The following TTC13 variants were observed in gnomAD, a reference collection of about 807,000 sequenced individuals.
TTC13 encodes tetratricopeptide repeat domain 13, also known as tetratricopeptide repeat protein 13.
A neutral mutation model predicts 120.0 loss-of-function variants in TTC13; 62 were observed. The observed-to-expected ratio is 0.52, with a 90% CI of 0.42 to 0.64. The LOEUF is 0.64. Ranked by LOEUF, TTC13 falls within the 30% of genes least tolerant of loss-of-function variation. The probability of loss-of-function intolerance (pLI) is 0.00; values close to 1 mark genes in which losing one functional copy is unlikely to be tolerated. For synonymous variants in TTC13, 384 were observed against 393.5 expected (o/e 0.98, Z 0.28); for missense variants, 824 against 1,050.2 (o/e 0.78, Z 2.98).
At chr1:230,931,606 A>G in intron 10 of TTC13, 130 bp downstream of exon 10, 1 of 1,459,864 alleles carries the variant, frequency 6.8e-7, no homozygotes, top group Non-Finnish European at 9.3e-7. Flanking sequence ...AAGAGCAATG[A>G]TTTCTTCTCT....
chr1:230,948,754 T>A lies in TTC13; in HGVS notation c.514-3300A>T, dbSNP rs191989411. 1.0e-3 allele frequency among the ~76,000 whole-genome samples: 158 copies of A among 152,278 alleles called. 1 individual carries two copies. Among genetic ancestry groups the A allele is most frequent in the African/African-American group, 3.5e-3 (147 of 41,564 alleles). On this transcript the variant is annotated intron_variant, in intron 4 of 22. Coordinates refer to ENST00000366661, the MANE Select transcript of TTC13 (RefSeq NM_024525.5). ...ATCCTCCTGCTTCAACCTCCCAAAG[T>A]GCTGGGGTTACAGGCGTGAGCCACC... is the stretch of plus-strand genomic sequence containing the variant.
intron 17 of TTC13, 124 bp downstream of exon 17, chr1:230,920,386 T>C (rs1200744966): frequency 4.6e-6 from 3 of 656,236 alleles, no homozygotes; most frequent in South Asian, 3.9e-5. Context: ...TTGGTTATTA[T>C]TCAGAATGTG....
In TTC13 at chr1:230,929,604, G is replaced by A. The variant is rs996814624; in HGVS notation, c.1301-511C>T. 5.9e-5 allele frequency among the ~76,000 whole-genome samples: 9 copies of A among 152,044 alleles called. No individual in the cohort carries two copies. In the East Asian group the frequency reaches 9.6e-4, roughly 16 times the overall value. ...GCTGGGATTACAGGCATGAGCCACC[G>A]CGCCTGGCCTAGTTTGGCTAAATTT... On this transcript the variant is annotated intron_variant, in intron 11 of 22. Transcript: ENST00000366661.
At chr1:230,949,886 T>A (rs2102918106) in intron 4 of TTC13, among the ~76,000 whole-genome samples, 1 of 152,274 alleles carries the variant, frequency 6.6e-6, no homozygotes, top group East Asian at 1.9e-4. Flanking sequence ...CCTGACCTCG[T>A]GATCCGCCCG....
At position 230,940,565 on chromosome 1, in the gene TTC13, C is replaced by T. The variant is rs372348348; in HGVS notation, c.673-9G>A. 150 of 1,562,476 alleles carry T rather than the reference C, an allele frequency of 9.6e-5. No homozygotes were observed. Among genetic ancestry groups the T allele is most frequent in the Non-Finnish European group, 1.1e-4 (130 of 1,135,020 alleles). On this transcript the variant is annotated splice_polypyrimidine_tract_variant and intron_variant, in intron 6 of 22. Transcript: ENST00000366661. This position sits in a 1 kb window ranked among gnomAD's most constrained non-coding sequence, Gnocchi z 4.1. ...CCCAGAGGGGACAGAATCTAGAAAT[C>T]CCAAACATGTAATCAGGAAGAATAC...
intron 1 of TTC13, among the ~76,000 whole-genome samples, chr1:230,969,443 G>T (rs931955763): frequency 9.2e-5 from 14 of 152,094 alleles, no homozygotes; most frequent in African/African-American, 3.4e-4. Context: ...CATAAAGCTG[G>T]ATACAGTTAT....
At position 230,939,865 on chromosome 1, in the gene TTC13, G is replaced by A. The variant is rs74945364; in HGVS notation, c.790-369C>T. Among the ~76,000 whole-genome samples, 52 of 152,306 alleles carry A rather than the reference G, an allele frequency of 3.4e-4. No homozygotes were observed. The East Asian group carries it at 8.5e-3, about 25-fold the overall frequency. On this transcript the variant is annotated intron_variant, in intron 7 of 22. Transcript: ENST00000366661. ...ATGCCACAGATTAACATTAAAATGT[G>A]TTATGCTGAGACTCTTTTAATATAT...
At chr1:230,933,933 G>T in intron 8 of TTC13, 72 bp from the exon 9 acceptor site, 1 of 983,630 alleles carries the variant, frequency 1.0e-6, no homozygotes, top group Admixed American at 2.4e-5. Flanking sequence ...AATCATAAAA[G>T]GATTTAAATA....
Position 230,911,526 on chromosome 1 carries a change from T to G in TTC13, c.2253A>C (p.Leu751Phe), listed in dbSNP as rs1393589372. 6.2e-7 allele frequency: 1 copy of G among 1,603,942 alleles called. No homozygotes were observed. Among genetic ancestry groups the G allele is most frequent in the Non-Finnish European group, 8.5e-7 (1 of 1,175,934 alleles). ...AAAAGTAATAAACTAAGGATAAGATTAAGTTGCAGACAGCATCAGCCTCCT... is the reference window on the plus strand; with the variant it reads ...AAAAGTAATAAACTAAGGATAAGATGAAGTTGCAGACAGCATCAGCCTCCT... ...EFGEADAVCNLILSLVYYFYN... is the reference protein window; with the variant it reads ...EFGEADAVCNFILSLVYYFYN... The change falls in exon 20 of 23, where the codon TTA (leucine) becomes TTC (phenylalanine). Residue 751 changes from leucine to phenylalanine, a missense_variant. Physicochemically the swap from Leu to Phe is conservative, Grantham distance 22. This residue lies in a region of TTC13 where 226 missense variants were observed against 259.1 expected (regional missense o/e 0.87). Transcript: ENST00000366661.
At chr1:230,919,491 T>C (rs569217267) in intron 17 of TTC13, among the ~76,000 whole-genome samples, 115 of 152,314 alleles carry the variant, frequency 7.6e-4, no homozygotes, top group Non-Finnish European at 1.2e-3. Flanking sequence ...GCACTGAGGA[T>C]TCCATTTCCA....
intron 11 of TTC13, among the ~76,000 whole-genome samples, chr1:230,930,289 A>G (rs1190596437): frequency 6.6e-6 from 1 of 152,214 alleles, no homozygotes; most frequent in East Asian, 1.9e-4. Context: ...TATTTTGGGT[A>G]TACTGAATTT....
At chr1:230,935,666 G>GT (rs1337776631) in intron 8 of TTC13, among the ~76,000 whole-genome samples, 3 of 152,158 alleles carry the variant, frequency 2.0e-5, no homozygotes, top group Admixed American at 6.5e-5. Flanking sequence ...GGGCCAAGCA[G>GT]TGTAGGCAGT....
At position 230,906,303 on chromosome 1, in the gene TTC13, A is replaced by T. The variant is rs961086850; in HGVS notation, c.*602T>A. On this transcript the variant is annotated 3_prime_UTR_variant, in exon 23 of 23. Coordinates refer to ENST00000366661, the MANE Select transcript of TTC13 (RefSeq NM_024525.5). The stretch of plus-strand genomic sequence containing the variant: ...CCTGGTTTATTTTTTTCAACAAAGG[A>T]AAAAAAAACATGGTTCAATAATTCA... 1.3e-5 allele frequency: 2 copies of T among 151,464 alleles called. No homozygotes were observed. Among genetic ancestry groups the T allele is most frequent in the Non-Finnish European group, 2.9e-5 (2 of 67,854 alleles). 9.4% of individuals were successfully genotyped at this position (151,464 alleles called of 1,614,324 possible). A position where few individuals can be genotyped will look rare whatever the true frequency, so the allele number is the denominator to read the frequency against.
At chr1:230,939,359 T>C in intron 8 of TTC13, 27 bp downstream of exon 8, 1 of 1,419,622 alleles carries the variant, frequency 7.0e-7, no homozygotes, top group Non-Finnish European at 9.8e-7. Flanking sequence ...AGTCATCATA[T>C]GGTACACATA....
chr1:230,946,332 T>C (rs1006964929), intron 4 of TTC13, among the ~76,000 whole-genome samples: 1 of 152,242 alleles, frequency 6.6e-6, no homozygotes, highest in Admixed American at 6.5e-5. Context: ...AAAAACTTGA[T>C]AGATTAATCT....
chr1:230,955,329 T>G (rs969188584), intron 3 of TTC13, among the ~76,000 whole-genome samples: 1 of 152,126 alleles, frequency 6.6e-6, no homozygotes, highest in Non-Finnish European at 1.5e-5. Flanking sequence ...CAATGAAAAC[T>G]TTTACTGTCA....
rs1672487338 is a variant in TTC13, at chr1:230,920,516, A to C, written c.1977T>G (p.Ile659Met). The change falls in exon 17 of 23, where the codon ATT (isoleucine) becomes ATG (methionine). Residue 659 changes from isoleucine (I) to methionine (M), a missense_variant. Ile to Met is a conservative substitution (Grantham distance 10). This residue lies in a region of TTC13 where 226 missense variants were observed against 259.1 expected (regional missense o/e 0.87). Coordinates refer to ENST00000366661, the MANE Select transcript of TTC13 (RefSeq NM_024525.5). ...ATTCTGATGCTAAAGTTACCTTCAT[A>C]ATCGGAAGAAGGTCTTCTACTTTGT... ...KVHKVEDLLPIMKQFNTKTKD... is the reference protein window; with the variant it reads ...KVHKVEDLLPMMKQFNTKTKD... 1 of 1,610,506 alleles carries C rather than the reference A, an allele frequency of 6.2e-7. No individual in the cohort carries two copies. The highest frequency in any genetic ancestry group is 8.5e-7 in the Non-Finnish European group (1 of 1,177,574).
chr1:230,947,122 A>G (rs1675074603), intron 4 of TTC13, among the ~76,000 whole-genome samples: 1 of 152,128 alleles, frequency 6.6e-6, no homozygotes, highest in African/African-American at 2.4e-5. Context: ...TAAGTAATAC[A>G]TGTTTCCCTG....
chr1:230,917,027 G>C (rs1326003503), intron 17 of TTC13, among the ~76,000 whole-genome samples: 1 of 151,906 alleles, frequency 6.6e-6, no homozygotes, highest in Admixed American at 6.6e-5. Context: ...GTTAAGAGAA[G>C]CAACAGTAAA....
Sources: allele counts gnomAD v4.1 joint callset (sites outside exome capture counted in the v4.1 genomes callset), GRCh38; gene constraint gnomAD v4.1.1; regional missense constraint gnomAD v4.1.1; non-coding constraint Gnocchi (gnomAD v3.1); transcripts MANE v1.5; gene names NCBI Gene and HGNC (gene_info 2026-07-23, HGNC 2026-07-21).